The following CNTN4 variants were observed in gnomAD, a reference collection of about 807,000 sequenced individuals.
CNTN4 encodes the protein contactin-4.
Under a neutral mutation model 122.5 loss-of-function variants are expected in CNTN4, and 77 were observed. The observed-to-expected ratio is 0.63, with a 90% CI of 0.52 to 0.76. The LOEUF is 0.76. Among genes scored for constraint, CNTN4 ranks in the 30% least tolerant of loss-of-function variants. The pLI, the probability that CNTN4 is intolerant of heterozygous loss-of-function variation, is 0.00. For synonymous variants in CNTN4, 512 were observed against 447.0 expected (o/e 1.15, Z -1.83); for missense variants, 1,256 against 1,259.1 (o/e 1.00, Z 0.04).
chr3:2,146,208 T>C (rs1404364279), intron 2 of CNTN4, among the ~76,000 whole-genome samples: 21 of 127,990 alleles, frequency 1.6e-4, no homozygotes, highest in Admixed American at 1.6e-3. Context: ...GTAGTTTTAG[T>C]GAATAATTTA....
At chr3:2,157,819 G>C (rs2035788788) in intron 2 of CNTN4, among the ~76,000 whole-genome samples, 1 of 152,044 alleles carries the variant, frequency 6.6e-6, no homozygotes, top group Admixed American at 6.6e-5. Flanking sequence ...TTTTCTGTTT[G>C]GATTTTCTTA....
intron 7 of CNTN4, among the ~76,000 whole-genome samples, chr3:2,839,675 G>C (rs1322940694): frequency 6.6e-6 from 1 of 152,162 alleles, no homozygotes; most frequent in Non-Finnish European, 1.5e-5. Flanking sequence ...AGGAAGTAAA[G>C]AGTACACATC....
chr3:2,115,593 A>T (rs1372718534), intron 2 of CNTN4, among the ~76,000 whole-genome samples: 5 of 152,248 alleles, frequency 3.3e-5, no homozygotes, highest in Admixed American at 3.3e-4. Context: ...GGCATTTTCC[A>T]CAGTTTATGG....
At chr3:2,721,890 C>T (rs1341722753) in intron 4 of CNTN4, among the ~76,000 whole-genome samples, 6 of 152,084 alleles carry the variant, frequency 3.9e-5, no homozygotes. Flanking sequence ...AGGGCAGAGC[C>T]CCCATGAATG....
intron 2 of CNTN4, among the ~76,000 whole-genome samples, chr3:2,220,568 T>C (rs1009242788): frequency 3.3e-5 from 5 of 152,180 alleles, no homozygotes; most frequent in African/African-American, 9.6e-5. Flanking sequence ...CTTTCAGTTC[T>C]ATGTTACCTC....
chr3:2,788,011 A>T (rs992709121), intron 6 of CNTN4, among the ~76,000 whole-genome samples: 1 of 152,032 alleles, frequency 6.6e-6, no homozygotes, highest in African/African-American at 2.4e-5. Flanking sequence ...GCTGGTTTCA[A>T]ACTCCTGACC....
chr3:2,643,698 G>A (rs1159899518), intron 4 of CNTN4, among the ~76,000 whole-genome samples: 1 of 152,142 alleles, frequency 6.6e-6, no homozygotes, highest in Non-Finnish European at 1.5e-5. Context: ...GAGCTATAAA[G>A]GAGATAAAAG....
At chr3:2,236,391 G>A (rs1344015003) in intron 2 of CNTN4, among the ~76,000 whole-genome samples, 1 of 152,156 alleles carries the variant, frequency 6.6e-6, no homozygotes, top group East Asian at 1.9e-4. Flanking sequence ...TTGATATAAA[G>A]TCTAAATGAC....
chr3:2,253,494 T>C lies in CNTN4; in HGVS notation c.-144-85684T>C, dbSNP rs1575178655. Among the ~76,000 whole-genome samples, 3 of 152,224 alleles carry C rather than the reference T, an allele frequency of 2.0e-5. No individual in the cohort carries two copies. In the East Asian group the frequency reaches 5.8e-4, roughly 29 times the overall value. On this transcript the variant is annotated intron_variant, in intron 2 of 24. Transcript: ENST00000418658. ...AATTCTAGAATTTACTTTATCCTTTTATAAATTCAACAGCTAAAAAGGTCT... is the reference window on the plus strand; with the variant it reads ...AATTCTAGAATTTACTTTATCCTTTCATAAATTCAACAGCTAAAAAGGTCT...
At chr3:2,438,635 T>G (rs1301007153) in intron 3 of CNTN4, among the ~76,000 whole-genome samples, 8 of 152,178 alleles carry the variant, frequency 5.3e-5, no homozygotes. Flanking sequence ...TCAGAATTGT[T>G]TGCCAAGATA....
intron 2 of CNTN4, among the ~76,000 whole-genome samples, chr3:2,287,748 GA>G (rs2041989122): frequency 2.8e-5 from 4 of 142,236 alleles, no homozygotes; most frequent in African/African-American, 1.1e-4. Context: ...AGAAGAAGAA[GA>G]AGAAGAAGAA....
At chr3:2,153,207 A>G (rs774088543) in intron 2 of CNTN4, among the ~76,000 whole-genome samples, 26 of 152,178 alleles carry the variant, frequency 1.7e-4, no homozygotes, top group Non-Finnish European at 2.9e-4. Flanking sequence ...TGGCATACCA[A>G]TGGTATTTAA....
rs201353917 is a variant in CNTN4, at chr3:2,513,671, A to G, written c.-88-57745A>G. Among the ~76,000 whole-genome samples the G allele has an allele frequency of 9.8e-5, 15 of 152,300 alleles. No homozygotes were observed. The East Asian group carries it at 2.9e-3, about 29-fold the overall frequency. ...AACATTTTTGTAGTCAGTCACCACA[A>G]ATCTCAGAGAGGTATTTGCAAGATT... On this transcript the variant is annotated intron_variant, in intron 3 of 24. Transcript: ENST00000418658.
At chr3:2,273,404 A>C (rs1053163448) in intron 2 of CNTN4, among the ~76,000 whole-genome samples, 2 of 152,208 alleles carry the variant, frequency 1.3e-5, no homozygotes, top group African/African-American at 4.8e-5. Context: ...CAATGTGGGC[A>C]ACAAACATCT....
intron 10 of CNTN4, among the ~76,000 whole-genome samples, chr3:2,890,634 C>A (rs1490373326): frequency 1.3e-5 from 2 of 152,096 alleles, no homozygotes; most frequent in Non-Finnish European, 2.9e-5. Context: ...ACCATTTTGC[C>A]TTCTTTCAAA....
At chr3:2,658,290 T>C (rs2083691756) in intron 4 of CNTN4, among the ~76,000 whole-genome samples, 2 of 151,952 alleles carry the variant, frequency 1.3e-5, no homozygotes, top group African/African-American at 4.8e-5. Context: ...CCTGTTTTCC[T>C]TTTTTCTTCC....
At chr3:2,464,142 C>T (rs564118802) in intron 3 of CNTN4, among the ~76,000 whole-genome samples, 1 of 152,118 alleles carries the variant, frequency 6.6e-6, no homozygotes, top group Non-Finnish European at 1.5e-5. Flanking sequence ...CTTCATTTGT[C>T]CTCTGCTCTA....
intron 8 of CNTN4, among the ~76,000 whole-genome samples, chr3:2,880,507 G>C (rs1230577041): frequency 6.6e-6 from 1 of 152,194 alleles, no homozygotes; most frequent in Non-Finnish European, 1.5e-5. Flanking sequence ...TTGTTAGCAA[G>C]TTCAACAGCT....
intron 2 of CNTN4, among the ~76,000 whole-genome samples, chr3:2,328,309 G>A (rs1559457001): frequency 6.6e-6 from 1 of 150,742 alleles, no homozygotes; most frequent in Non-Finnish European, 1.5e-5. Context: ...GGGAGGCTGA[G>A]GCAGGAGAAT....
Sources: allele counts gnomAD v4.1 joint callset (sites outside exome capture counted in the v4.1 genomes callset), GRCh38; gene constraint gnomAD v4.1.1; transcripts MANE v1.5; gene names NCBI Gene and HGNC (gene_info 2026-07-23, HGNC 2026-07-21).